TUNAR: variants seen among roughly 807,000 people sequenced by gnomAD.
TUNAR encodes the protein transmembrane neural differentiation associated intracellular calcium regulator.
chr14:95,923,694 A>G (rs1889736874), exon 3 of TUNAR: 1 of 152,080 alleles, frequency 6.6e-6, no homozygotes, highest in African/African-American at 2.4e-5. Flanking sequence ...CTTTTGTCTC[A>G]TCTTGAGTCT....
chr14:95,892,227 C>T (rs564571943), intron 2 of TUNAR, among the ~76,000 whole-genome samples: 1 of 152,340 alleles, frequency 6.6e-6, no homozygotes, highest in Admixed American at 6.5e-5. Flanking sequence ...GTTCTCCCAT[C>T]CGTGGGTTCT....
At chr14:95,884,410 G>A (rs554895458) in intron 2 of TUNAR, among the ~76,000 whole-genome samples, 34 of 152,300 alleles carry the variant, frequency 2.2e-4, no homozygotes, top group Middle Eastern at 3.4e-3. Flanking sequence ...AAGGCAGGGT[G>A]CCAGCCCTGG....
chr14:95,900,984 T>C (rs1889343796), intron 2 of TUNAR, among the ~76,000 whole-genome samples: 1 of 152,226 alleles, frequency 6.6e-6, no homozygotes, highest in African/African-American at 2.4e-5. Flanking sequence ...TGGCTAGTTA[T>C]TTTTGTGCCC....
intron 2 of TUNAR, among the ~76,000 whole-genome samples, chr14:95,889,959 CAAAAAAA>C (rs535897006): frequency 4.3e-5 from 4 of 92,200 alleles, no homozygotes; most frequent in Non-Finnish European, 7.0e-5. Flanking sequence ...GACACAAAGA[CAAAAAAA>C]AAAAAAAAAA....
intron 2 of TUNAR, among the ~76,000 whole-genome samples, chr14:95,912,447 C>G (rs182722380): frequency 6.6e-6 from 1 of 152,106 alleles, no homozygotes; most frequent in Non-Finnish European, 1.5e-5. Context: ...ATGGAATTTT[C>G]TCTATTAAAG....
At chr14:95,884,020 G>T (rs887873604) in intron 2 of TUNAR, among the ~76,000 whole-genome samples, 3 of 151,872 alleles carry the variant, frequency 2.0e-5, no homozygotes, top group South Asian at 2.1e-4. Flanking sequence ...TGCTCTAAAG[G>T]ACTCAGAATG....
intron 2 of TUNAR, among the ~76,000 whole-genome samples, chr14:95,910,586 C>T (rs567359941): frequency 2.0e-5 from 3 of 152,344 alleles, no homozygotes; most frequent in East Asian, 1.9e-4. Context: ...CATTGTGAAC[C>T]TTCGTTGATC....
At chr14:95,899,354 C>A (rs1003847207) in intron 2 of TUNAR, among the ~76,000 whole-genome samples, 4 of 152,204 alleles carry the variant, frequency 2.6e-5, no homozygotes, top group African/African-American at 7.2e-5. Context: ...AGACTTCTCC[C>A]TCTCAGAACA....
chr14:95,881,649 G>A lies in TUNAR; in HGVS notation c.12+4472G>A, dbSNP rs559791023. ...ATGTAGGTCTCAAGGAACTTTTCAC[G>A]TTATCGAGTAGAGATGCCGTCGTAG... On this transcript the variant is annotated intron_variant, in intron 2 of 2. Transcript: ENST00000678517. Among the ~76,000 whole-genome samples the A allele has an allele frequency of 6.1e-4, 93 of 152,248 alleles. 1 individual carries two copies. The highest frequency in any genetic ancestry group is 1.0e-3 in the Non-Finnish European group (68 of 68,020).
chr14:95,882,086 A>G (rs1378796988), intron 2 of TUNAR, among the ~76,000 whole-genome samples: 2 of 152,198 alleles, frequency 1.3e-5, no homozygotes, highest in Non-Finnish European at 2.9e-5. Flanking sequence ...AGAAAGCTTG[A>G]CTATGCTTCA....
intron 2 of TUNAR, among the ~76,000 whole-genome samples, chr14:95,910,293 C>A (rs2139667655): frequency 6.6e-6 from 1 of 152,312 alleles, no homozygotes; most frequent in Middle Eastern, 3.4e-3. Flanking sequence ...GGGCAGATCA[C>A]TTGAGCCCAA....
intron 2 of TUNAR, among the ~76,000 whole-genome samples, chr14:95,910,040 G>A (rs1889488487): frequency 6.6e-6 from 1 of 152,128 alleles, no homozygotes; most frequent in African/African-American, 2.4e-5. Flanking sequence ...GAGTCATGTT[G>A]GCTGCGTGAT....
chr14:95,920,438 C>A (rs59832593), intron 2 of TUNAR, among the ~76,000 whole-genome samples: 4 of 151,882 alleles, frequency 2.6e-5, no homozygotes, highest in Non-Finnish European at 4.4e-5. Flanking sequence ...GCAGGAAAAC[C>A]GAACGAATCC....
chr14:95,917,677 C>T (rs916499772), intron 2 of TUNAR, among the ~76,000 whole-genome samples: 3 of 152,148 alleles, frequency 2.0e-5, no homozygotes, highest in African/African-American at 7.2e-5. Context: ...TTATGTCTTT[C>T]AGTAAAGTTT....
chr14:95,886,440 AAG>A (rs1176222596), intron 2 of TUNAR, among the ~76,000 whole-genome samples: 1 of 152,154 alleles, frequency 6.6e-6, no homozygotes, highest in Non-Finnish European at 1.5e-5. Context: ...ATTGCTAAGG[AAG>A]AGAGAGAGAC....
intron 2 of TUNAR, among the ~76,000 whole-genome samples, chr14:95,915,515 T>G (rs1889588754): frequency 6.6e-6 from 1 of 152,166 alleles, no homozygotes; most frequent in Admixed American, 6.5e-5. Context: ...CATGGCAGCT[T>G]GATTGACAGC....
At chr14:95,923,209 G>C in exon 3 of TUNAR, 1 of 347,866 alleles carries the variant, frequency 2.9e-6, no homozygotes, top group Non-Finnish European at 5.2e-6. Flanking sequence ...CAACGTCTTT[G>C]GCAGGGGGCC....
intron 2 of TUNAR, among the ~76,000 whole-genome samples, chr14:95,887,833 G>T (rs1191252404): frequency 6.6e-6 from 1 of 152,210 alleles, no homozygotes; most frequent in African/African-American, 2.4e-5. Flanking sequence ...TATGAGTTCT[G>T]TGTGGTTATT....
chr14:95,922,566 A>G (rs894620963), intron 2 of TUNAR, among the ~76,000 whole-genome samples: 2 of 152,086 alleles, frequency 1.3e-5, no homozygotes, highest in Non-Finnish European at 2.9e-5. Context: ...CTCTGTACCA[A>G]TGTCAGGACA....
Sources: allele counts gnomAD v4.1 joint callset (sites outside exome capture counted in the v4.1 genomes callset), GRCh38; gene constraint gnomAD v4.1.1; transcripts MANE v1.5; gene names NCBI Gene and HGNC (gene_info 2026-07-23, HGNC 2026-07-21).